EYA3: variants seen among roughly 807,000 people sequenced by gnomAD.
EYA3 encodes the protein EYA transcriptional coactivator and phosphatase 3.
Under a neutral mutation model 80.0 loss-of-function variants are expected in EYA3, and 39 were observed. The ratio of observed to expected loss-of-function variants is 0.49; its 90% CI spans 0.38 to 0.64. EYA3 has a LOEUF of 0.64. Ranked by LOEUF, EYA3 falls within the 30% of genes least tolerant of loss-of-function variation. The pLI, the probability that EYA3 is intolerant of heterozygous loss-of-function variation, is 0.00. For synonymous variants in EYA3, 206 were observed against 232.8 expected (o/e 0.88, Z 1.05); for missense variants, 523 against 676.1 (o/e 0.77, Z 2.51).
intron 8 of EYA3, among the ~76,000 whole-genome samples, chr1:28,014,408 A>T (rs1641894730): frequency 7.8e-6 from 1 of 127,390 alleles, no homozygotes; most frequent in African/African-American, 3.1e-5. Flanking sequence ...CCTAGGTGAC[A>T]CACTGTCTCA....
At chr1:27,974,765 T>C (rs548652036) in intron 17 of EYA3, among the ~76,000 whole-genome samples, 1 of 152,304 alleles carries the variant, frequency 6.6e-6, no homozygotes, top group African/African-American at 2.4e-5. Context: ...TAGGTTTCAG[T>C]GGTACTTTGT....
intron 16 of EYA3, among the ~76,000 whole-genome samples, chr1:27,985,147 G>A (rs1198273730): frequency 2.6e-5 from 4 of 152,010 alleles, no homozygotes; most frequent in South Asian, 2.1e-4. Context: ...GCATAATCAC[G>A]GCTCACTGCA....
rs201041762 is a variant in EYA3, at chr1:28,073,103, T to TTATATATATATA, written c.-68-15021_-68-15010dup. Among the ~76,000 whole-genome samples, 124 of 37,692 alleles carry TTATATATATATA rather than the reference T, an allele frequency of 3.3e-3. 2 individuals are homozygous for TTATATATATATA. The highest frequency in any genetic ancestry group is 4.1e-3 in the Non-Finnish European group (96 of 23,376). The allele number at this position is 37,692 out of a possible 152,430, so 24.7% of individuals were successfully genotyped here. On this transcript the variant is annotated intron_variant, in intron 1 of 17. Transcript: ENST00000373871. ...ATCCTTTTTGGGATTGATGAAACTA[T>TTATATATATATA]TATATATATATATATATATATATAT...
chr1:28,015,323 T>C (rs186013164), intron 8 of EYA3, among the ~76,000 whole-genome samples: 1 of 152,270 alleles, frequency 6.6e-6, no homozygotes, highest in East Asian at 1.9e-4. Flanking sequence ...GCCTGAATGA[T>C]TGGTAAAGCA....
chr1:27,986,869 AT>A (rs1639694865), intron 16 of EYA3, among the ~76,000 whole-genome samples: 1 of 151,722 alleles, frequency 6.6e-6, no homozygotes, highest in Non-Finnish European at 1.5e-5. Flanking sequence ...CGCCCAGCTA[AT>A]TTTTTGTATT....
intron 1 of EYA3, among the ~76,000 whole-genome samples, chr1:28,069,548 TA>T (rs11323301): frequency 0.38 from 42,221 of 111,326 alleles, 6,878 homozygotes; most frequent in East Asian, 0.5. Context: ...CCAATCTATT[TA>T]AAAAAAAAAA....
chr1:28,079,297 T>C (rs183413723), intron 1 of EYA3, among the ~76,000 whole-genome samples: 9 of 152,350 alleles, frequency 5.9e-5, no homozygotes, highest in East Asian at 1.9e-4. Context: ...AGGAAACGAA[T>C]TGGGACAATA....
chr1:28,051,664 G>A (rs1347132616), intron 2 of EYA3, among the ~76,000 whole-genome samples: 1 of 152,112 alleles, frequency 6.6e-6, no homozygotes, highest in Non-Finnish European at 1.5e-5. Context: ...TCCAGCCTGG[G>A]TGACAAGGCA....
intron 11 of EYA3, among the ~76,000 whole-genome samples, chr1:28,003,284 A>AC (rs1641021675): frequency 6.6e-6 from 1 of 151,000 alleles, no homozygotes; most frequent in Non-Finnish European, 1.5e-5. Flanking sequence ...AACAACAACA[A>AC]CAACAACAAC....
intron 12 of EYA3, among the ~76,000 whole-genome samples, chr1:27,998,577 G>A (rs1372180481): frequency 6.6e-6 from 1 of 151,958 alleles, no homozygotes; most frequent in Non-Finnish European, 1.5e-5. Context: ...TAAAAGAGAT[G>A]GGATTACTTT....
intron 5 of EYA3, among the ~76,000 whole-genome samples, chr1:28,038,410 T>C (rs1643571978): frequency 7.9e-6 from 1 of 126,424 alleles, no homozygotes. Flanking sequence ...CACTCCAGCC[T>C]GGGCAACAAA....
chr1:28,035,167 A>C (rs1226196245), intron 6 of EYA3, among the ~76,000 whole-genome samples: 1 of 152,100 alleles, frequency 6.6e-6, no homozygotes, highest in Non-Finnish European at 1.5e-5. Context: ...CACAGAGCAA[A>C]CTATGATACA....
chr1:28,048,319 G>T, intron 3 of EYA3, 64 bp downstream of exon 3: 1 of 1,170,324 alleles, frequency 8.5e-7, no homozygotes, highest in Non-Finnish European at 1.2e-6. Context: ...ACGCTAATCA[G>T]CATGTGAAAA....
chr1:28,084,427 G>A (rs1478074990), intron 1 of EYA3, among the ~76,000 whole-genome samples: 3 of 150,722 alleles, frequency 2.0e-5, no homozygotes, highest in African/African-American at 7.3e-5. Context: ...AAAAGAATAT[G>A]CACTTGTATT....
intron 11 of EYA3, 57 bp downstream of exon 11, chr1:28,004,279 A>T: frequency 8.4e-7 from 1 of 1,188,402 alleles, no homozygotes; most frequent in South Asian, 1.4e-5. Context: ...GTGTCAGAAG[A>T]GGGACTGACT....
intron 16 of EYA3, among the ~76,000 whole-genome samples, chr1:27,980,625 C>T (rs537719099): frequency 2.0e-5 from 3 of 152,304 alleles, no homozygotes; most frequent in African/African-American, 7.2e-5. Context: ...TATGAGCTTT[C>T]CTGTTCAGGA....
intron 1 of EYA3, among the ~76,000 whole-genome samples, chr1:28,061,550 C>A (rs1191965375): frequency 1.3e-5 from 2 of 150,982 alleles, no homozygotes; most frequent in African/African-American, 4.9e-5. Flanking sequence ...CTGTAAAAAT[C>A]TTAGTATTAG....
chr1:27,985,336 C>T (rs984313469), intron 16 of EYA3, among the ~76,000 whole-genome samples: 2 of 152,238 alleles, frequency 1.3e-5, no homozygotes, highest in African/African-American at 2.4e-5. Flanking sequence ...GCCTCAGCCT[C>T]TCAAAGTGCT....
At chr1:28,004,196 A>G (rs1641103157) in intron 11 of EYA3, 140 bp downstream of exon 11, 1 of 550,368 alleles carries the variant, frequency 1.8e-6, no homozygotes, top group Non-Finnish European at 3.3e-6. Flanking sequence ...AGCCATTTGC[A>G]AGCCATTTGT....
Sources: gnomAD v4.1 joint callset for allele counts (sites outside exome capture counted in the v4.1 genomes callset) on GRCh38, gnomAD v4.1.1 for gene constraint, MANE v1.5 for transcripts, NCBI Gene and HGNC (gene_info 2026-07-23, HGNC 2026-07-21) for gene names.